Variants in RNF17 observed in about 807,000 individuals in gnomAD.
RNF17 encodes the protein ring finger protein 17.
Under a neutral mutation model 200.5 loss-of-function variants are expected in RNF17, and 31 were observed. The observed-to-expected ratio is 0.15, with a 90% CI of 0.12 to 0.21. The LOEUF (loss-of-function observed/expected upper bound fraction) is 0.21, where lower values mean the gene tolerates loss of function less well. Ranked by LOEUF, RNF17 falls within the 10% of genes least tolerant of loss-of-function variation. RNF17 has a pLI of 1.00. For missense variants in RNF17, 1,628 were observed against 1,905.1 expected (o/e 0.85, Z 2.71); for synonymous variants, 606 against 637.8 (o/e 0.95, Z 0.75).
rs750967657 is a variant in RNF17 at position 24,825,602 on chromosome 13, A to G, written c.2092-17A>G. 2.6e-6 allele frequency: 4 copies of G among 1,522,362 alleles called. No individual in the cohort carries two copies. The highest frequency in any genetic ancestry group is 3.6e-6 in the Non-Finnish European group (4 of 1,102,456). 94.3% of individuals were successfully genotyped at this position (1,522,362 alleles called of 1,614,324 possible). On this transcript the variant is annotated splice_polypyrimidine_tract_variant and intron_variant, in intron 15 of 35. Transcript: ENST00000255324. ...AGTTTCTGTGAAATGACAGTGCTTT[A>G]TCCCTTTATTTACTAGATAGAGGGC...
chr13:24,827,795 T>A (rs1020321573), intron 16 of RNF17, among the ~76,000 whole-genome samples: 1 of 151,744 alleles, frequency 6.6e-6, no homozygotes, highest in African/African-American at 2.4e-5. Flanking sequence ...ACTGTCTTAT[T>A]GAGGGCTTAG....
chr13:24,763,163 A>G (rs1878954964), upstream of RNF17, among the ~76,000 whole-genome samples: 1 of 149,540 alleles, frequency 6.7e-6, no homozygotes, highest in Non-Finnish European at 1.5e-5. Context: ...TCATTTCTTC[A>G]TTGCTTTTTG....
rs1348668438 is a variant in RNF17, at chr13:24,790,413, G to A, written c.935+641G>A. Among the ~76,000 whole-genome samples the A allele has an allele frequency of 3.3e-5, 5 of 152,162 alleles. No homozygotes were observed. The East Asian group carries it at 9.7e-4, about 29-fold the overall frequency. ...ATGTTTGAACCTTATGATCCATGCT[G>A]TCCAGTATAGTAGCCACTAATCACA... On this transcript the variant is annotated intron_variant, in intron 9 of 35. Transcript: ENST00000255324.
At position 24,796,284 on chromosome 13, in the gene RNF17, T is replaced by C; in HGVS notation, c.1388T>C (p.Ile463Thr). Residue 463 changes from isoleucine to threonine, a missense_variant, in exon 11 of 36, where the codon ATT becomes ACT. Ile to Thr is a moderately conservative substitution (Grantham distance 89). This residue lies in a region of RNF17 where 289 missense variants were observed against 384.9 expected (regional missense o/e 0.75). Transcript: ENST00000255324. ...AGTTCACACCTTGATCCTTCAGACATTTTGGAACTAGGTAATGAAATATTA... is the reference window on the plus strand; with the variant it reads ...AGTTCACACCTTGATCCTTCAGACACTTTGGAACTAGGTAATGAAATATTA... ...NRSSHLDPSD[I>T]LELGARIFVS... The C allele has an allele frequency of 6.3e-7, 1 of 1,594,058 alleles. No homozygotes were observed. Among genetic ancestry groups the C allele is most frequent in the Non-Finnish European group, 8.5e-7 (1 of 1,171,206 alleles).
At position 24,874,230 on chromosome 13, in the gene RNF17, G is replaced by A; in HGVS notation, c.4564G>A (p.Ala1522Thr). The change falls in exon 33 of 36, where the codon GCA (alanine) becomes ACA (threonine). Residue 1522 changes from alanine (A) to threonine (T), a missense_variant. Ala to Thr is a moderately conservative substitution (Grantham distance 58, BLOSUM62 0). Coordinates refer to ENST00000255324, the MANE Select transcript of RNF17 (RefSeq NM_031277.3). ...LVQFVDYGST[A>T]KLTLNRLCQI... is the part of the protein sequence containing the mutation. ...ACAATTTGTTGATTATGGATCAACT[G>A]CAAAGCTGACATTAAACAGGTTAAA... The A allele has an allele frequency of 6.3e-7, 1 of 1,599,582 alleles. No individual in the cohort carries two copies. Among genetic ancestry groups the A allele is most frequent in the Non-Finnish European group, 8.5e-7 (1 of 1,175,114 alleles).
chr13:24,812,673 C>T lies in RNF17; in HGVS notation c.2091+8244C>T, dbSNP rs1225840248. 1.6e-4 allele frequency among the ~76,000 whole-genome samples: 4 copies of T among 25,672 alleles called. 1 individual carries two copies. Among genetic ancestry groups the T allele is most frequent in the Admixed American group, 6.6e-4 (2 of 3,034 alleles). The allele number at this position is 25,672 out of a possible 152,430, so 16.8% of individuals were successfully genotyped here. ...CAGCCATCTTGGCTCCTCCCCTCCCCGCCCCACCCCCTTTTTTTTTTTTTT... is the reference window on the plus strand; with the variant it reads ...CAGCCATCTTGGCTCCTCCCCTCCCTGCCCCACCCCCTTTTTTTTTTTTTT... On this transcript the variant is annotated intron_variant, in intron 15 of 35. Transcript: ENST00000255324.
At chr13:24,866,025 GAAAT>G (rs1240779787) in intron 29 of RNF17, 115 bp from the exon 30 acceptor site, 15 of 651,172 alleles carry the variant, frequency 2.3e-5, no homozygotes, top group South Asian at 5.5e-5. Context: ...TAATTGATCT[GAAAT>G]AAATAAATGA....
intron 16 of RNF17, among the ~76,000 whole-genome samples, chr13:24,827,375 A>G (rs1156460963): frequency 4.6e-5 from 7 of 152,076 alleles, no homozygotes; most frequent in African/African-American, 1.7e-4. Context: ...TCTATCCTTC[A>G]TTTGTCACCA....
intron 3 of RNF17, among the ~76,000 whole-genome samples, chr13:24,777,884 T>C (rs1324998449): frequency 3.3e-5 from 5 of 152,210 alleles, no homozygotes; most frequent in Admixed American, 6.5e-5. Flanking sequence ...TTATAAGTCA[T>C]TATATGAATT....
downstream of RNF17, among the ~76,000 whole-genome samples, chr13:24,884,695 T>C (rs1375637002): frequency 6.6e-6 from 1 of 152,210 alleles, no homozygotes; most frequent in Non-Finnish European, 1.5e-5. Flanking sequence ...TTATCAACAA[T>C]TTGTTACCCT....
At chr13:24,785,992 TAG>T (rs1401014979) in intron 6 of RNF17, among the ~76,000 whole-genome samples, 1 of 152,150 alleles carries the variant, frequency 6.6e-6, no homozygotes, top group Non-Finnish European at 1.5e-5. Context: ...GCCTTTGGAT[TAG>T]AGAGTTTAAT....
upstream of RNF17, among the ~76,000 whole-genome samples, chr13:24,763,553 G>A (rs1289660490): frequency 6.6e-6 from 1 of 151,834 alleles, no homozygotes; most frequent in East Asian, 1.9e-4. Flanking sequence ...ACACAGGTCC[G>A]GTACATAACA....
chr13:24,863,637 AC>A (rs1190987009), intron 28 of RNF17, among the ~76,000 whole-genome samples: 1 of 152,260 alleles, frequency 6.6e-6, no homozygotes, highest in Non-Finnish European at 1.5e-5. Context: ...ACACTCACTT[AC>A]ATAAGAAAGT....
At chr13:24,777,726 C>T (rs879880429) in intron 3 of RNF17, among the ~76,000 whole-genome samples, 34 of 152,156 alleles carry the variant, frequency 2.2e-4, no homozygotes, top group African/African-American at 7.7e-4. Flanking sequence ...AAAAATACCA[C>T]GTAAGGACCA....
chr13:24,755,245 G>A, the RNF17 span, among the ~76,000 whole-genome samples: 3 of 152,142 alleles, frequency 2.0e-5, no homozygotes, highest in African/African-American at 7.2e-5. Flanking sequence ...TCCTGTGGAA[G>A]TATTCTCAAA....
chr13:24,799,078 CTCTT>C (rs1048916667), intron 11 of RNF17, among the ~76,000 whole-genome samples: 13 of 152,278 alleles, frequency 8.5e-5, no homozygotes, highest in African/African-American at 2.6e-4. Flanking sequence ...TTGCCTGTCT[CTCTT>C]CCTTTCTTGA....
intron 32 of RNF17, 126 bp from the exon 33 acceptor site, chr13:24,873,988 T>C (rs746150047): frequency 1.2e-6 from 1 of 867,822 alleles, no homozygotes; most frequent in Non-Finnish European, 1.8e-6. Flanking sequence ...TTCCGTATCT[T>C]GGCTATTGTG....
intron 15 of RNF17, among the ~76,000 whole-genome samples, chr13:24,823,040 C>A (rs1035234750): frequency 6.6e-6 from 1 of 152,094 alleles, no homozygotes; most frequent in African/African-American, 2.4e-5. Flanking sequence ...GATGAACTCC[C>A]ATAGCTCTTG....
At chr13:24,863,131 C>G (rs897426801) in intron 28 of RNF17, among the ~76,000 whole-genome samples, 3 of 152,142 alleles carry the variant, frequency 2.0e-5, no homozygotes, top group African/African-American at 7.2e-5. Context: ...TCAGCACTGT[C>G]TCGGGTCCAG....
Sources: allele counts gnomAD v4.1 joint callset (sites outside exome capture counted in the v4.1 genomes callset), GRCh38; gene constraint gnomAD v4.1.1; regional missense constraint gnomAD v4.1.1; transcripts MANE v1.5; gene names NCBI Gene and HGNC (gene_info 2026-07-23, HGNC 2026-07-21).